TNFRSF21: variants seen among roughly 807,000 people sequenced by gnomAD.
TNFRSF21 encodes TNF receptor superfamily member 21.
In TNFRSF21, 19 loss-of-function variants were observed where a neutral mutation model predicts 45.6. The ratio of observed to expected loss-of-function variants is 0.42; its 90% CI spans 0.29 to 0.61. The LOEUF is 0.61. Ranked by LOEUF, TNFRSF21 falls within the 20% of genes least tolerant of loss-of-function variation. The pLI, the probability that TNFRSF21 is intolerant of heterozygous loss-of-function variation, is 0.23. For missense variants in TNFRSF21, 737 were observed against 851.5 expected (o/e 0.87, Z 1.67); for synonymous variants, 314 against 335.5 (o/e 0.94, Z 0.70).
chr6:47,272,080 C>G (rs148056126), intron 3 of TNFRSF21, among the ~76,000 whole-genome samples: 9 of 152,118 alleles, frequency 5.9e-5, no homozygotes, highest in African/African-American at 1.9e-4. Context: ...GACTTTAACA[C>G]CCCATTGTCA....
In TNFRSF21 at chr6:47,259,772, G is replaced by A. The variant is rs573337352; in HGVS notation, c.1244-6251C>T. ...AAGGAGTCAAGCCCTATACATCCGA[G>A]GCTGTACTAGTTAGGAACTATCTGA... On this transcript the variant is annotated intron_variant, in intron 3 of 5. Transcript: ENST00000296861. Among the ~76,000 whole-genome samples the A allele has an allele frequency of 5.9e-5, 9 of 152,284 alleles. 1 individual carries two copies. In the South Asian group the frequency reaches 1.9e-3, roughly 32 times the overall value.
chr6:47,300,426 C>T (rs908503670), intron 1 of TNFRSF21, among the ~76,000 whole-genome samples: 2 of 152,176 alleles, frequency 1.3e-5, no homozygotes, highest in African/African-American at 2.4e-5. Flanking sequence ...CATCTCTGCC[C>T]TGAATTACTG....
At chr6:47,281,700 G>A (rs75332728) in intron 3 of TNFRSF21, among the ~76,000 whole-genome samples, 6 of 152,076 alleles carry the variant, frequency 3.9e-5, no homozygotes, top group African/African-American at 2.4e-5. Flanking sequence ...TATTTTTTAC[G>A]TAGAGAGAGC....
intron 3 of TNFRSF21, among the ~76,000 whole-genome samples, chr6:47,258,398 G>GTT (rs1162552203): frequency 8.4e-5 from 11 of 131,064 alleles, no homozygotes; most frequent in Non-Finnish European, 1.5e-4. Flanking sequence ...AGTAATTGTG[G>GTT]TTTTTTTTTT....
At chr6:47,303,476 A>G (rs1275708702) in intron 1 of TNFRSF21, among the ~76,000 whole-genome samples, 2 of 152,194 alleles carry the variant, frequency 1.3e-5, no homozygotes, top group African/African-American at 4.8e-5. Context: ...CACATCTGTC[A>G]TCTCCAAAGC....
chr6:47,294,949 T>C (rs2113868149), intron 1 of TNFRSF21, among the ~76,000 whole-genome samples: 1 of 152,384 alleles, frequency 6.6e-6, no homozygotes, highest in Non-Finnish European at 1.5e-5. Flanking sequence ...ACTTTAGTTA[T>C]GTGGAAAATT....
chr6:47,260,550 G>C (rs1468677733), intron 3 of TNFRSF21, among the ~76,000 whole-genome samples: 1 of 152,200 alleles, frequency 6.6e-6, no homozygotes, highest in Non-Finnish European at 1.5e-5. Context: ...ATGCAAAAAT[G>C]GGTTCCTTCT....
chr6:47,292,907 G>A (rs766136440), intron 1 of TNFRSF21, among the ~76,000 whole-genome samples: 1 of 152,166 alleles, frequency 6.6e-6, no homozygotes, highest in Non-Finnish European at 1.5e-5. Context: ...AAAGGGGACT[G>A]TCCATACATA....
chr6:47,244,181 A>G (rs1210990397), intron 4 of TNFRSF21, among the ~76,000 whole-genome samples: 5 of 152,048 alleles, frequency 3.3e-5, no homozygotes, highest in Non-Finnish European at 7.4e-5. Flanking sequence ...AAAATTAGCC[A>G]GGCGTGGTGG....
chr6:47,234,174 A>C (rs1764627670), intron 5 of TNFRSF21, among the ~76,000 whole-genome samples: 1 of 151,984 alleles, frequency 6.6e-6, no homozygotes, highest in Non-Finnish European at 1.5e-5. Context: ...ATGGGGTTTC[A>C]CCATGTTGGC....
chr6:47,308,474 C>T (rs1762970182), intron 1 of TNFRSF21, among the ~76,000 whole-genome samples: 1 of 152,202 alleles, frequency 6.6e-6, no homozygotes, highest in Non-Finnish European at 1.5e-5. Context: ...CTCAAATTTT[C>T]TTCCACCTAA....
chr6:47,235,930 C>T lies in TNFRSF21; in HGVS notation c.1510-1032G>A, dbSNP rs114086325. On this transcript the variant is annotated intron_variant, in intron 4 of 5. Coordinates refer to ENST00000296861, the MANE Select transcript of TNFRSF21 (RefSeq NM_014452.5). The stretch of plus-strand genomic sequence containing the variant: ...ATGGTGAGCTTCACCACCACTCTGG[C>T]TGGTGGGTAGAGAATGGATTTTAGG... Among the ~76,000 whole-genome samples the T allele has an allele frequency of 5.1e-3, 770 of 152,238 alleles. 7 individuals carry two copies. The highest frequency in any genetic ancestry group is 0.01 in the Middle Eastern group (3 of 294).
chr6:47,298,512 G>A (rs1441224767), intron 1 of TNFRSF21, among the ~76,000 whole-genome samples: 1 of 152,054 alleles, frequency 6.6e-6, no homozygotes, highest in Non-Finnish European at 1.5e-5. Flanking sequence ...GCCTGTTTCT[G>A]TATTGCTCAC....
chr6:47,259,702 T>C (rs1445574295), intron 3 of TNFRSF21, among the ~76,000 whole-genome samples: 2 of 152,094 alleles, frequency 1.3e-5, no homozygotes, highest in Non-Finnish European at 2.9e-5. Flanking sequence ...TGGTGCCAGA[T>C]CCTGGAGCTC....
At chr6:47,253,598 G>T in intron 3 of TNFRSF21, 77 bp from the exon 4 acceptor site, 1 of 1,514,264 alleles carries the variant, frequency 6.6e-7, no homozygotes, top group Non-Finnish European at 8.9e-7. Flanking sequence ...CTGCTTTAAT[G>T]AATGAACTAG....
intron 4 of TNFRSF21, among the ~76,000 whole-genome samples, chr6:47,236,766 A>T (rs936286782): frequency 1.8e-4 from 27 of 152,278 alleles, no homozygotes; most frequent in African/African-American, 6.3e-4. Context: ...ATGGCCATTC[A>T]CGCCAACACA....
Position 47,259,690 on chromosome 6 carries a change from C to T in TNFRSF21, c.1244-6169G>A, listed in dbSNP as rs547962275. Among the ~76,000 whole-genome samples, 26 of 152,200 alleles carry T rather than the reference C, an allele frequency of 1.7e-4. No homozygotes were observed. The South Asian group carries it at 4.0e-3, about 23-fold the overall frequency. On this transcript the variant is annotated intron_variant, in intron 3 of 5. Coordinates refer to ENST00000296861, the MANE Select transcript of TNFRSF21 (RefSeq NM_014452.5). The stretch of plus-strand genomic sequence containing the variant: ...GTGCCCTGCCAACATTGCCTTTTCC[C>T]GTGGTGCCAGATCCTGGAGCTCTGG...
chr6:47,297,975 A>G (rs1312711567), intron 1 of TNFRSF21, among the ~76,000 whole-genome samples: 4 of 152,224 alleles, frequency 2.6e-5, no homozygotes, highest in African/African-American at 7.2e-5. Flanking sequence ...ACTGCACAGT[A>G]AAGAGTTAAA....
At chr6:47,301,696 C>A (rs1277071569) in intron 1 of TNFRSF21, among the ~76,000 whole-genome samples, 1 of 152,160 alleles carries the variant, frequency 6.6e-6, no homozygotes, top group African/African-American at 2.4e-5. Context: ...CTCCCTCTCT[C>A]ACCATGTGAC....
Sources: gnomAD v4.1 joint callset for allele counts (sites outside exome capture counted in the v4.1 genomes callset) on GRCh38, gnomAD v4.1.1 for gene constraint, MANE v1.5 for transcripts, NCBI Gene and HGNC (gene_info 2026-07-23, HGNC 2026-07-21) for gene names.